The following ANO4 variants were observed in gnomAD, a reference collection of about 807,000 sequenced individuals.
ANO4 encodes anoctamin 4, also known as anoctamin-4.
In ANO4, 69 loss-of-function variants were observed where a neutral mutation model predicts 141.9. The ratio of observed to expected loss-of-function variants is 0.49; its 90% CI spans 0.40 to 0.59. The LOEUF (loss-of-function observed/expected upper bound fraction) is 0.59. Ranked by LOEUF, ANO4 falls within the 20% of genes least tolerant of loss-of-function variation. The probability of loss-of-function intolerance (pLI) is 0.00; values close to 1 mark genes in which losing one functional copy is unlikely to be tolerated. For missense variants in ANO4, 894 were observed against 1,162.2 expected (o/e 0.77, Z 3.36); for synonymous variants, 350 against 394.3 (o/e 0.89, Z 1.33).
chr12:100,814,539 C>T (rs548627688), intron 1 of ANO4, among the ~76,000 whole-genome samples: 28 of 152,240 alleles, frequency 1.8e-4, no homozygotes, highest in Admixed American at 1.6e-3. Flanking sequence ...TAAAAAACCA[C>T]TCTGATGTTC....
chr12:101,065,288 T>C (rs2048534075), intron 14 of ANO4, among the ~76,000 whole-genome samples: 1 of 151,530 alleles, frequency 6.6e-6, no homozygotes, highest in Non-Finnish European at 1.5e-5. Context: ...TGGCATCTTC[T>C]GAGGGTCTTG....
chr12:100,770,547 G>T (rs977208176), intron 3 of ANO4, among the ~76,000 whole-genome samples: 2 of 152,196 alleles, frequency 1.3e-5, no homozygotes, highest in African/African-American at 4.8e-5. Context: ...CCAAGATAGA[G>T]TCAAACTAAA....
At position 101,102,485 on chromosome 12, in the gene ANO4, T is replaced by C. The variant is rs1017473881; in HGVS notation, c.2149+2765T>C. Among the ~76,000 whole-genome samples, 5 of 152,224 alleles carry C rather than the reference T, an allele frequency of 3.3e-5. No homozygotes were observed. In the South Asian group the frequency reaches 8.3e-4, roughly 25 times the overall value. On this transcript the variant is annotated intron_variant, in intron 22 of 27. Coordinates refer to ENST00000392977, the MANE Select transcript of ANO4 (RefSeq NM_001286615.2). ...ACTAATAATGCTGAGCACCTTTTCA[T>C]ATGCTTATAGTTATTTGGATAAACT...
chr12:100,944,333 C>T (rs980059037), intron 5 of ANO4, among the ~76,000 whole-genome samples: 13 of 151,478 alleles, frequency 8.6e-5, no homozygotes, highest in African/African-American at 2.9e-4. Flanking sequence ...ACTGCTTGTA[C>T]GATTTTGTCT....
At chr12:101,080,883 T>TTATATATATATATATA (rs1463149041) in intron 15 of ANO4, among the ~76,000 whole-genome samples, 779 of 73,792 alleles carry the variant, frequency 0.011, 3 homozygotes, top group Middle Eastern at 0.016. Flanking sequence ...TATATATATA[T>TTATATATATATATATA]TATATATATA....
At chr12:100,722,014 G>A (rs1313175913) in intron 1 of ANO4, among the ~76,000 whole-genome samples, 1 of 151,978 alleles carries the variant, frequency 6.6e-6, no homozygotes, top group Non-Finnish European at 1.5e-5. Context: ...TTCACCTTCT[G>A]TGTCTCAGTT....
At chr12:100,776,443 C>A (rs1419412411) in intron 3 of ANO4, among the ~76,000 whole-genome samples, 1 of 152,192 alleles carries the variant, frequency 6.6e-6, no homozygotes, top group Admixed American at 6.5e-5. Flanking sequence ...CAGGACCCCA[C>A]CTGCCTAAGA....
At chr12:100,846,128 T>C (rs942766974) in intron 1 of ANO4, among the ~76,000 whole-genome samples, 1 of 152,242 alleles carries the variant, frequency 6.6e-6, no homozygotes, top group Non-Finnish European at 1.5e-5. Flanking sequence ...GCAAATTAAC[T>C]AGCAAGGCGT....
At chr12:100,788,599 AG>A (rs1290672154) in intron 3 of ANO4, among the ~76,000 whole-genome samples, 1 of 152,206 alleles carries the variant, frequency 6.6e-6, no homozygotes, top group African/African-American at 2.4e-5. Context: ...CCTACTCAAG[AG>A]TCAGAGATAG....
chr12:100,967,564 A>G (rs553658048), intron 5 of ANO4, among the ~76,000 whole-genome samples: 1 of 81,886 alleles, frequency 1.2e-5, no homozygotes, highest in Admixed American at 1.6e-4. Flanking sequence ...TTAAGTATGT[A>G]AAGAGGACAC....
At chr12:100,750,298 A>ATTT (rs1174885460) in intron 3 of ANO4, among the ~76,000 whole-genome samples, 65 of 135,390 alleles carry the variant, frequency 4.8e-4, no homozygotes, top group East Asian at 2.2e-3. Flanking sequence ...CACCTGGCTA[A>ATTT]TTTTTTTTTT....
chr12:100,957,345 A>G (rs893271327), intron 5 of ANO4, among the ~76,000 whole-genome samples: 4 of 152,084 alleles, frequency 2.6e-5, no homozygotes, highest in Non-Finnish European at 4.4e-5. Flanking sequence ...GTGCAGTCTC[A>G]CCAGAGTGAG....
At chr12:100,818,601 T>C (rs761414108) in intron 1 of ANO4, among the ~76,000 whole-genome samples, 50 of 151,954 alleles carry the variant, frequency 3.3e-4, no homozygotes, top group Admixed American at 5.3e-4. Flanking sequence ...AAATAGGCAC[T>C]GTTGAGAGAA....
At chr12:101,004,093 G>T (rs1227142014) in intron 8 of ANO4, among the ~76,000 whole-genome samples, 1 of 151,544 alleles carries the variant, frequency 6.6e-6, no homozygotes, top group Non-Finnish European at 1.5e-5. Flanking sequence ...ATACTACTTA[G>T]GTTCCATTCA....
At chr12:100,905,968 T>C (rs1050503288) in intron 2 of ANO4, among the ~76,000 whole-genome samples, 1 of 152,100 alleles carries the variant, frequency 6.6e-6, no homozygotes, top group Non-Finnish European at 1.5e-5. Context: ...CAAGGTCATC[T>C]CTGAGAATGA....
intron 15 of ANO4, among the ~76,000 whole-genome samples, chr12:101,082,688 T>C (rs953698074): frequency 1.3e-5 from 2 of 152,032 alleles, no homozygotes; most frequent in Non-Finnish European, 2.9e-5. Context: ...GGCTGAGCCA[T>C]GTGAAGGCCA....
intron 1 of ANO4, among the ~76,000 whole-genome samples, chr12:100,876,352 G>C (rs1287014077): frequency 6.6e-6 from 1 of 151,264 alleles, no homozygotes; most frequent in Non-Finnish European, 1.5e-5. Flanking sequence ...CCATGTCCAA[G>C]GGTGGAGTGG....
At chr12:101,017,221 T>G (rs1443359477) in intron 8 of ANO4, among the ~76,000 whole-genome samples, 5 of 152,176 alleles carry the variant, frequency 3.3e-5, no homozygotes, top group African/African-American at 9.6e-5. Context: ...AGGCACATCT[T>G]ACGTGTTGGC....
At chr12:100,721,515 A>G (rs890941146) in intron 1 of ANO4, among the ~76,000 whole-genome samples, 1 of 152,170 alleles carries the variant, frequency 6.6e-6, no homozygotes, top group Non-Finnish European at 1.5e-5. Context: ...AGGGGTGTGA[A>G]GGCAGCCACT....
Sources: allele counts gnomAD v4.1 joint callset (sites outside exome capture counted in the v4.1 genomes callset), GRCh38; gene constraint gnomAD v4.1.1; transcripts MANE v1.5; gene names NCBI Gene and HGNC (gene_info 2026-07-23, HGNC 2026-07-21).